The following KDM4C variants were observed in gnomAD, a reference collection of about 807,000 sequenced individuals.
KDM4C encodes the protein lysine demethylase 4C.
A neutral mutation model predicts 129.3 loss-of-function variants in KDM4C; 81 were observed. The ratio of observed to expected loss-of-function variants is 0.63; its 90% CI spans 0.52 to 0.75. The LOEUF is 0.75. KDM4C is among the 30% of genes least tolerant of loss of function. KDM4C has a pLI of 0.00. For synonymous variants in KDM4C, 573 were observed against 456.1 expected (o/e 1.26, Z -3.26); for missense variants, 1,457 against 1,304.0 (o/e 1.12, Z -1.81).
chr9:7,047,465 A>G (rs1210059121), intron 16 of KDM4C, among the ~76,000 whole-genome samples: 1 of 152,068 alleles, frequency 6.6e-6, no homozygotes, highest in African/African-American at 2.4e-5. Context: ...AGAGAGTCAT[A>G]AGTGAACATA....
intron 5 of KDM4C, among the ~76,000 whole-genome samples, chr9:6,870,821 C>T (rs1588846674): frequency 1.0e-5 from 1 of 99,894 alleles, no homozygotes; most frequent in Admixed American, 1.0e-4. Context: ...CTTCACACGG[C>T]CTTAGTTAGG....
At chr9:6,960,850 C>T (rs1037031014) in intron 8 of KDM4C, among the ~76,000 whole-genome samples, 10 of 95,362 alleles carry the variant, frequency 1.0e-4, no homozygotes, top group African/African-American at 4.3e-4. Context: ...TCAAATATCC[C>T]CTAGGAAGCA....
At chr9:7,167,380 T>C (rs1199893800) in intron 20 of KDM4C, among the ~76,000 whole-genome samples, 1 of 152,158 alleles carries the variant, frequency 6.6e-6, no homozygotes, top group African/African-American at 2.4e-5. Flanking sequence ...CATACTCCCT[T>C]CTAGGTTTGT....
chr9:6,772,819 A>T (rs1220665529), intron 1 of KDM4C, among the ~76,000 whole-genome samples: 1 of 147,582 alleles, frequency 6.8e-6, no homozygotes, highest in African/African-American at 2.5e-5. Context: ...CAGCCTCCTG[A>T]GTAGCTGGGA....
chr9:6,825,146 CAAAAAAAAAAAA>C (rs776343731), intron 4 of KDM4C, among the ~76,000 whole-genome samples: 2 of 79,952 alleles, frequency 2.5e-5, no homozygotes, highest in East Asian at 6.6e-4. Flanking sequence ...AACTCGGTCT[CAAAAAAAAAAAA>C]AAAAAAAAAA....
At chr9:7,128,020 C>T (rs1156707498) in intron 18 of KDM4C, 46 bp from the exon 19 acceptor site, 3 of 1,315,750 alleles carry the variant, frequency 2.3e-6, no homozygotes, top group African/African-American at 3.0e-5. Context: ...CTTTCTTTTC[C>T]TGTTCTCTTA....
upstream of KDM4C, among the ~76,000 whole-genome samples, chr9:6,752,667 C>T (rs1818112092): frequency 6.6e-6 from 1 of 151,902 alleles, no homozygotes; most frequent in African/African-American, 2.4e-5. Flanking sequence ...ACCTCGCCTT[C>T]CCTGGAATTA....
At chr9:6,895,199 A>G (rs767917606) in intron 8 of KDM4C, among the ~76,000 whole-genome samples, 2 of 152,208 alleles carry the variant, frequency 1.3e-5, no homozygotes, top group Non-Finnish European at 2.9e-5. Context: ...AACAATAGCC[A>G]TTTATTATCT....
intron 2 of KDM4C, among the ~76,000 whole-genome samples, chr9:6,800,220 AGTCG>A (rs1828674799): frequency 6.6e-6 from 1 of 152,056 alleles, no homozygotes; most frequent in Non-Finnish European, 1.5e-5. Flanking sequence ...TACAAAAATT[AGTCG>A]GGTGTGGTGG....
At chr9:6,897,345 C>G (rs988345253) in intron 8 of KDM4C, among the ~76,000 whole-genome samples, 4 of 152,150 alleles carry the variant, frequency 2.6e-5, no homozygotes, top group Admixed American at 6.5e-5. Context: ...ATGGCCCAGG[C>G]CTTACCATTC....
intron 21 of KDM4C, among the ~76,000 whole-genome samples, chr9:7,173,108 T>C (rs1447680766): frequency 1.3e-5 from 2 of 152,254 alleles, no homozygotes; most frequent in South Asian, 2.1e-4. Flanking sequence ...GTCCCTAATA[T>C]CCTCACCTTT....
chr9:7,119,780 A>G (rs903588329), intron 18 of KDM4C, among the ~76,000 whole-genome samples: 16 of 152,194 alleles, frequency 1.1e-4, no homozygotes, highest in African/African-American at 2.7e-4. Flanking sequence ...ACATACTCCA[A>G]CAGCCTTCCT....
intron 6 of KDM4C, among the ~76,000 whole-genome samples, chr9:6,886,987 TTCCCCC>T (rs1845398518): frequency 6.6e-6 from 1 of 152,210 alleles, no homozygotes; most frequent in African/African-American, 2.4e-5. Context: ...TTCCAGCAGT[TTCCCCC>T]CTCATTCTGG....
chr9:6,929,819 A>G (rs1208287288), intron 8 of KDM4C, among the ~76,000 whole-genome samples: 1 of 152,188 alleles, frequency 6.6e-6, no homozygotes, highest in East Asian at 1.9e-4. Flanking sequence ...TTTTGAAAAA[A>G]GTTTGAAGGC....
chr9:7,061,434 A>C lies in KDM4C; in HGVS notation c.2424+12234A>C, dbSNP rs148221858. On this transcript the variant is annotated intron_variant, in intron 17 of 21. Transcript: ENST00000381309. ...ATGAGGCTGTCCTTGGATGTCTGAT[A>C]ATCCTTGGTTGCTTGCCCATTTTTA... is the stretch of plus-strand genomic sequence containing the variant. Among the ~76,000 whole-genome samples, 272 of 152,298 alleles carry C rather than the reference A, an allele frequency of 1.8e-3. 1 individual carries two copies. Among genetic ancestry groups the C allele is most frequent in the Admixed American group, 6.7e-3 (102 of 15,304 alleles).
intron 8 of KDM4C, among the ~76,000 whole-genome samples, chr9:6,901,403 A>G (rs932060622): frequency 6.6e-6 from 1 of 152,190 alleles, no homozygotes; most frequent in Non-Finnish European, 1.5e-5. Flanking sequence ...ATGTGCTCCT[A>G]GGGTTGGTGT....
rs369795659 is a variant in KDM4C, at chr9:6,964,781, C to CAAAAAA, written c.922-16129_922-16124dup. On this transcript the variant is annotated intron_variant, in intron 8 of 21. Coordinates refer to ENST00000381309, the MANE Select transcript of KDM4C (RefSeq NM_015061.6). ...TGGGGGACAGAGTGAGACTCCGTCT[C>CAAAAAA]AAAAAAAAAAAAAAAAAAAACCACA... Among the ~76,000 whole-genome samples the CAAAAAA allele has an allele frequency of 2.5e-3, 132 of 53,836 alleles. 5 individuals are homozygous for CAAAAAA. Among genetic ancestry groups the CAAAAAA allele is most frequent in the Middle Eastern group, 0.012 (1 of 82 alleles). The allele number at this position is 53,836 out of a possible 152,430, so 35.3% of individuals were successfully genotyped here.
At chr9:6,963,145 G>A (rs1454407044) in intron 8 of KDM4C, among the ~76,000 whole-genome samples, 1 of 152,178 alleles carries the variant, frequency 6.6e-6, no homozygotes, top group Non-Finnish European at 1.5e-5. Context: ...GGATTGAGTT[G>A]TTAAATGCAG....
At chr9:7,047,581 G>A (rs138982708) in intron 16 of KDM4C, among the ~76,000 whole-genome samples, 4 of 151,816 alleles carry the variant, frequency 2.6e-5, no homozygotes, top group African/African-American at 7.3e-5. Flanking sequence ...TACAGGGTCC[G>A]CTGGAATAGA....
Sources: allele counts gnomAD v4.1 joint callset (sites outside exome capture counted in the v4.1 genomes callset), GRCh38; gene constraint gnomAD v4.1.1; transcripts MANE v1.5; gene names NCBI Gene and HGNC (gene_info 2026-07-23, HGNC 2026-07-21).